The following PARD6G variants were observed in gnomAD, a reference collection of about 807,000 sequenced individuals.
The protein encoded by PARD6G is partitioning defective 6 homolog gamma.
Under a neutral mutation model 10.7 loss-of-function variants are expected in PARD6G, and 7 were observed. The ratio of observed to expected loss-of-function variants is 0.66; its 90% CI spans 0.37 to 1.23. The LOEUF (loss-of-function observed/expected upper bound fraction) is 1.23, where lower values mean the gene tolerates loss of function less well. Ranked by LOEUF, PARD6G falls within the 50% of genes most tolerant of loss-of-function variation. The pLI is 0.02. For missense variants in PARD6G, 548 were observed against 571.8 expected, an observed-to-expected ratio of 0.96 and a Z score of 0.42; for synonymous variants, 287 against 269.4, an observed-to-expected ratio of 1.07 and a Z score of -0.64.
At chr18:80,221,087 G>C (rs1394291810) in intron 1 of PARD6G, among the ~76,000 whole-genome samples, 1 of 151,872 alleles carries the variant, frequency 6.6e-6, no homozygotes, top group African/African-American at 2.4e-5. Flanking sequence ...AATTATCTGG[G>C]TCTGGACTTT....
chr18:80,202,598 C>T, intron 2 of PARD6G, 112 bp downstream of exon 2: 1 of 796,000 alleles, frequency 1.3e-6, no homozygotes, highest in Non-Finnish European at 2.0e-6. Flanking sequence ...TAATCTCCTA[C>T]TACAGGTTAG....
intron 2 of PARD6G, among the ~76,000 whole-genome samples, chr18:80,179,036 A>G (rs1368422357): frequency 6.6e-6 from 1 of 152,002 alleles, no homozygotes; most frequent in Non-Finnish European, 1.5e-5. Flanking sequence ...TTCCCATTTC[A>G]TATATTTTTT....
chr18:80,216,587 C>A (rs1967169393), intron 1 of PARD6G, among the ~76,000 whole-genome samples: 1 of 151,942 alleles, frequency 6.6e-6, no homozygotes, highest in African/African-American at 2.4e-5. Context: ...TGAAAATACA[C>A]CACACCAAAA....
chr18:80,233,354 G>A (rs914436924), intron 1 of PARD6G, among the ~76,000 whole-genome samples: 3 of 152,206 alleles, frequency 2.0e-5, no homozygotes, highest in Non-Finnish European at 2.9e-5. Context: ...CAGGAGGCCT[G>A]TCCCCACAGC....
intron 1 of PARD6G, among the ~76,000 whole-genome samples, chr18:80,233,952 G>A (rs1000800413): frequency 8.5e-5 from 13 of 152,080 alleles, no homozygotes; most frequent in African/African-American, 2.2e-4. Flanking sequence ...GACGGCCCTC[G>A]AGACACAAAG....
intron 1 of PARD6G, among the ~76,000 whole-genome samples, chr18:80,225,162 C>G (rs531724593): frequency 2.0e-5 from 3 of 152,296 alleles, no homozygotes; most frequent in Middle Eastern, 3.4e-3. Flanking sequence ...AGTCTACGCA[C>G]GAAGCAGCCA....
chr18:80,222,309 G>A lies in PARD6G; in HGVS notation c.73-19377C>T, dbSNP rs11876424. Among the ~76,000 whole-genome samples, 214 of 151,870 alleles carry A rather than the reference G, an allele frequency of 1.4e-3. 1 individual carries two copies. Among genetic ancestry groups the A allele is most frequent in the African/African-American group, 4.9e-3 (204 of 41,384 alleles). On this transcript the variant is annotated intron_variant, in intron 1 of 2. Coordinates refer to ENST00000353265, the MANE Select transcript of PARD6G (RefSeq NM_032510.4). The stretch of plus-strand genomic sequence containing the variant: ...TTCCTATGTTACCCAGGCTGGTCTC[G>A]AACTCCTAGGCTCAAGTGATCCTTC...
chr18:80,160,350 C>CG lies in PARD6G; in HGVS notation c.551dup (p.His185AlafsTer30). On this transcript the variant is annotated frameshift_variant, in exon 3 of 3. Coordinates refer to ENST00000353265, the MANE Select transcript of PARD6G (RefSeq NM_032510.4). LOFTEE classifies it low-confidence loss of function (END_TRUNC). ...TGCCGGGCACCTTCTCCAGCCCGTG[C>CG]GGGGTCACGCGCACGCTGGCGCCAT... The CG allele has an allele frequency of 6.2e-7, 1 of 1,611,348 alleles. No homozygotes were observed. Among genetic ancestry groups the CG allele is most frequent in the Non-Finnish European group, 8.5e-7 (1 of 1,179,708 alleles).
At chr18:80,209,570 G>A (rs1034887680) in intron 1 of PARD6G, among the ~76,000 whole-genome samples, 6 of 152,274 alleles carry the variant, frequency 3.9e-5, no homozygotes, top group Middle Eastern at 3.4e-3. Flanking sequence ...CAGGACTTTG[G>A]GAGGCCAAGG....
At chr18:80,212,544 C>T (rs528371169) in intron 1 of PARD6G, among the ~76,000 whole-genome samples, 40 of 152,266 alleles carry the variant, frequency 2.6e-4, no homozygotes, top group African/African-American at 9.1e-4. Flanking sequence ...AATCCACCAC[C>T]GCTACAACCG....
chr18:80,229,032 G>A (rs1406766416), intron 1 of PARD6G, among the ~76,000 whole-genome samples: 1 of 152,134 alleles, frequency 6.6e-6, no homozygotes, highest in Non-Finnish European at 1.5e-5. Context: ...TCCACCTCCT[G>A]GGTTCAAGCG....
chr18:80,229,522 A>T (rs1025235766), intron 1 of PARD6G, among the ~76,000 whole-genome samples: 1 of 152,186 alleles, frequency 6.6e-6, no homozygotes, highest in African/African-American at 2.4e-5. Context: ...TGTTCCTTGA[A>T]CCAGAAGCAT....
In PARD6G at chr18:80,161,862, G is replaced by A. The variant is rs2052702808; in HGVS notation, c.296-1256C>T. The A allele has an allele frequency of 6.6e-6, 1 of 152,308 alleles. No individual in the cohort carries two copies. The highest frequency in any genetic ancestry group is 1.5e-5 in the Non-Finnish European group (1 of 68,098). 9.4% of individuals were successfully genotyped at this position (152,308 alleles called of 1,614,324 possible). ...GGGTCAGTCTGGCTTCTGCATTTCA[G>A]TGAGCAGGCAGGGCCCATTATGACT... On this transcript the variant is annotated intron_variant, in intron 2 of 2. Coordinates refer to ENST00000353265, the MANE Select transcript of PARD6G (RefSeq NM_032510.4). This position sits in a 1 kb window ranked among gnomAD's most constrained non-coding sequence, Gnocchi z 4.6.
chr18:80,227,979 T>A (rs1460082690), intron 1 of PARD6G, among the ~76,000 whole-genome samples: 1 of 152,220 alleles, frequency 6.6e-6, no homozygotes, highest in African/African-American at 2.4e-5. Flanking sequence ...CTCACTTCTT[T>A]GAGCCAGGTA....
intron 2 of PARD6G, among the ~76,000 whole-genome samples, chr18:80,186,112 C>T (rs1310214120): frequency 7.3e-6 from 1 of 137,252 alleles, no homozygotes; most frequent in African/African-American, 2.8e-5. Context: ...GCTTGCACAC[C>T]CTCACACGCA....
chr18:80,187,488 A>G (rs1357036262), intron 2 of PARD6G, among the ~76,000 whole-genome samples: 1 of 152,242 alleles, frequency 6.6e-6, no homozygotes, highest in Non-Finnish European at 1.5e-5. Context: ...AGCAGCCCTC[A>G]GTGCGGCTGG....
intron 1 of PARD6G, among the ~76,000 whole-genome samples, chr18:80,204,949 C>G (rs1178257160): frequency 2.0e-5 from 3 of 151,702 alleles, no homozygotes; most frequent in South Asian, 2.1e-4. Context: ...GAGACTCAGT[C>G]TTAATAATAA....
chr18:80,195,311 G>T (rs1966940350), intron 2 of PARD6G, among the ~76,000 whole-genome samples: 1 of 151,896 alleles, frequency 6.6e-6, no homozygotes, highest in Non-Finnish European at 1.5e-5. Flanking sequence ...CATCCACCGA[G>T]GCCAGGCTGA....
intron 2 of PARD6G, among the ~76,000 whole-genome samples, chr18:80,185,392 A>G (rs1051487632): frequency 6.6e-6 from 1 of 152,136 alleles, no homozygotes; most frequent in African/African-American, 2.4e-5. Context: ...CTCCTGCCTC[A>G]GCCTTCTGAG....
Sources: allele counts gnomAD v4.1 joint callset (sites outside exome capture counted in the v4.1 genomes callset), GRCh38; gene constraint gnomAD v4.1.1; non-coding constraint Gnocchi (gnomAD v3.1); transcripts MANE v1.5; gene names NCBI Gene and HGNC (gene_info 2026-07-23, HGNC 2026-07-21).